The following MTUS1 variants were observed in gnomAD, a reference collection of about 807,000 sequenced individuals.
MTUS1 encodes microtubule associated scaffold protein 1.
In MTUS1, 109 loss-of-function variants were observed where a neutral mutation model predicts 120.8. That is an observed-to-expected ratio of 0.90 (90% confidence interval 0.77 to 1.06). MTUS1 has a LOEUF of 1.06. Ranked by LOEUF, MTUS1 falls within the 50% of genes least tolerant of loss-of-function variation. The probability of loss-of-function intolerance (pLI) is 0.00; values close to 1 mark genes in which losing one functional copy is unlikely to be tolerated. For missense variants in MTUS1, 2,210 were observed against 1,486.3 expected (o/e 1.49, Z -8.01); for synonymous variants, 737 against 550.5 (o/e 1.34, Z -4.74).
intron 7 of MTUS1, among the ~76,000 whole-genome samples, chr8:17,679,589 C>G (rs938929698): frequency 1.3e-5 from 2 of 151,944 alleles, no homozygotes; most frequent in Non-Finnish European, 2.9e-5. Context: ...GCAACCTCCA[C>G]CTATTGGGTT....
chr8:17,755,729 G>A lies in MTUS1; in HGVS notation c.79C>T (p.His27Tyr). 6.2e-7 allele frequency: 1 copy of A among 1,614,130 alleles called. No individual in the cohort carries two copies. Among genetic ancestry groups the A allele is most frequent in the Non-Finnish European group, 8.5e-7 (1 of 1,179,996 alleles). The change falls in exon 2 of 15, where the codon CAT (histidine) becomes TAT (tyrosine). Residue 27 changes from histidine to tyrosine, a missense_variant. By Grantham distance (83) the His-to-Tyr change is moderately conservative. Transcript: ENST00000693296. ...FFTSDKDGNT[H>Y]AYNPKSPPTQ... ...GGTGGTGATTTCGGGTTGTATGCAT[G>A]TGTATTTCCATCTTTATCACTGGTA...
intron 1 of MTUS1, among the ~76,000 whole-genome samples, chr8:17,790,980 C>T (rs376416190): frequency 7.2e-4 from 109 of 152,038 alleles, no homozygotes; most frequent in African/African-American, 2.6e-3. Flanking sequence ...AGCAAACTAT[C>T]GGTGGGGGCG....
At chr8:17,750,634 C>T (rs1282591950) in intron 2 of MTUS1, among the ~76,000 whole-genome samples, 5 of 152,128 alleles carry the variant, frequency 3.3e-5, no homozygotes, top group Non-Finnish European at 7.3e-5. Context: ...ATGTCGACAA[C>T]AATTGCCCTG....
intron 6 of MTUS1, among the ~76,000 whole-genome samples, chr8:17,697,987 T>A (rs573543161): frequency 6.6e-6 from 1 of 152,328 alleles, no homozygotes; most frequent in African/African-American, 2.4e-5. Flanking sequence ...TGGAAAAGTT[T>A]TTTTTTTAAA....
rs534859209 is a variant in MTUS1, at chr8:17,644,602, C to T, written c.*1324G>A. ...AGAAGCGGACCATTCTGCTACTTTCCCAAAGACAAAGGGACTCCTTAAAGG... is the reference window on the plus strand; with the variant it reads ...AGAAGCGGACCATTCTGCTACTTTCTCAAAGACAAAGGGACTCCTTAAAGG... On this transcript the variant is annotated 3_prime_UTR_variant, in exon 15 of 15. Coordinates refer to ENST00000693296, the MANE Select transcript of MTUS1 (RefSeq NM_001363059.2). 6.6e-6 allele frequency: 1 copy of T among 152,304 alleles called. No individual in the cohort carries two copies. The highest frequency in any genetic ancestry group is 1.9e-4 in the East Asian group (1 of 5,182). The allele number at this position is 152,304 out of a possible 1,614,324, so 9.4% of individuals were successfully genotyped here.
intron 6 of MTUS1, among the ~76,000 whole-genome samples, chr8:17,699,750 G>A (rs897651398): frequency 6.6e-6 from 1 of 152,198 alleles, no homozygotes; most frequent in Non-Finnish European, 1.5e-5. Context: ...TGGCCGTGCA[G>A]CACAAGTGCA....
rs1328570631 is a variant in MTUS1 at position 17,655,767 on chromosome 8, G to A, written c.3108+96C>T. The A allele has an allele frequency of 2.9e-5, 30 of 1,044,940 alleles. 1 individual carries two copies. In the South Asian group the frequency reaches 3.8e-4, roughly 13 times the overall value. 64.7% of individuals were successfully genotyped at this position (1,044,940 alleles called of 1,614,324 possible). ...AACAACATGCTTTTTATACCTATTAGACTAAAAAAGAGAAGCTCATCAAGA... is the reference window on the plus strand; with the variant it reads ...AACAACATGCTTTTTATACCTATTAAACTAAAAAAGAGAAGCTCATCAAGA... On this transcript the variant is annotated intron_variant, in intron 9 of 14. Coordinates refer to ENST00000693296, the MANE Select transcript of MTUS1 (RefSeq NM_001363059.2).
At chr8:17,679,205 C>T (rs970783347) in intron 7 of MTUS1, among the ~76,000 whole-genome samples, 2 of 58,412 alleles carry the variant, frequency 3.4e-5, no homozygotes, top group Non-Finnish European at 8.5e-5. Flanking sequence ...TATATACACA[C>T]ACACACACAA....
intron 4 of MTUS1, among the ~76,000 whole-genome samples, chr8:17,718,734 A>C (rs1471727881): frequency 6.6e-6 from 1 of 151,942 alleles, no homozygotes; most frequent in African/African-American, 2.4e-5. Context: ...CCAGAATAAC[A>C]GATTCTCTGG....
intron 6 of MTUS1, among the ~76,000 whole-genome samples, chr8:17,700,809 C>T (rs1364620463): frequency 6.6e-6 from 1 of 151,562 alleles, no homozygotes; most frequent in Non-Finnish European, 1.5e-5. Flanking sequence ...GAAAAATAAA[C>T]GATGTGTAAA....
chr8:17,752,351 G>C (rs1358836753), intron 2 of MTUS1, among the ~76,000 whole-genome samples: 1 of 152,102 alleles, frequency 6.6e-6, no homozygotes, highest in African/African-American at 2.4e-5. Flanking sequence ...ATGTTGATTA[G>C]AATTAAGAGT....
intron 1 of MTUS1, among the ~76,000 whole-genome samples, chr8:17,788,501 C>G (rs2051496913): frequency 1.3e-5 from 2 of 152,164 alleles, no homozygotes; most frequent in African/African-American, 4.8e-5. Flanking sequence ...ACATATTCAT[C>G]TAGAACCTTC....
At chr8:17,767,700 T>TAAGAAAAAAAAAAAA (rs1554533204) in intron 1 of MTUS1, among the ~76,000 whole-genome samples, 8 of 87,868 alleles carry the variant, frequency 9.1e-5, no homozygotes, top group African/African-American at 4.1e-4. Flanking sequence ...CCCTGTCTCT[T>TAAGAAAAAAAAAAAA]AAAAAAAAAA....
rs1367694352 is a variant in MTUS1 at position 17,644,732 on chromosome 8, A to ACTT, written c.*1191_*1193dup. 6.6e-6 allele frequency: 1 copy of ACTT among 152,180 alleles called. No homozygotes were observed. Among genetic ancestry groups the ACTT allele is most frequent in the Non-Finnish European group, 1.5e-5 (1 of 68,038 alleles). 9.4% of individuals were successfully genotyped at this position (152,180 alleles called of 1,614,324 possible). On this transcript the variant is annotated 3_prime_UTR_variant, in exon 15 of 15. Coordinates refer to ENST00000693296, the MANE Select transcript of MTUS1 (RefSeq NM_001363059.2). Reference sequence around the variant, plus strand: ...CCTTTCTTAATTATACTAGCCAATGACTTCCTTGTTCTCGTTCTTTATTCT... The same window carrying ACTT: ...CCTTTCTTAATTATACTAGCCAATGACTTCTTCCTTGTTCTCGTTCTTTATTCT...
chr8:17,734,326 C>G (rs1028619943), intron 3 of MTUS1: 1 of 152,180 alleles, frequency 6.6e-6, no homozygotes, highest in Non-Finnish European at 1.5e-5. Context: ...TTCATCAAGG[C>G]AATAGGACTC....
intron 6 of MTUS1, among the ~76,000 whole-genome samples, chr8:17,708,010 G>A (rs1268007115): frequency 1.3e-5 from 2 of 152,120 alleles, no homozygotes; most frequent in African/African-American, 4.8e-5. Flanking sequence ...AAACTTAAAT[G>A]AAAACACAGG....
intron 1 of MTUS1, among the ~76,000 whole-genome samples, chr8:17,779,005 C>T (rs1182818830): frequency 6.6e-6 from 1 of 152,050 alleles, no homozygotes. Flanking sequence ...AAAAAATAGA[C>T]ACAACTATAC....
chr8:17,744,888 C>G (rs1185658012), intron 2 of MTUS1, among the ~76,000 whole-genome samples: 1 of 152,060 alleles, frequency 6.6e-6, no homozygotes, highest in Non-Finnish European at 1.5e-5. Context: ...CACCTATGAT[C>G]TGTAAGTCCC....
chr8:17,789,962 A>G (rs1005477308), intron 1 of MTUS1, among the ~76,000 whole-genome samples: 3 of 152,220 alleles, frequency 2.0e-5, no homozygotes, highest in South Asian at 2.1e-4. Flanking sequence ...CTCCTACTTC[A>G]GTTTCCATCT....
Sources: allele counts gnomAD v4.1 joint callset (sites outside exome capture counted in the v4.1 genomes callset), GRCh38; gene constraint gnomAD v4.1.1; transcripts MANE v1.5; gene names NCBI Gene and HGNC (gene_info 2026-07-23, HGNC 2026-07-21).